Variants in COL11A1 observed in about 807,000 individuals in gnomAD.
COL11A1 encodes collagen alpha-1(XI) chain.
In COL11A1, 74 loss-of-function variants were observed where a neutral mutation model predicts 265.2. The ratio of observed to expected loss-of-function variants is 0.28; its 90% CI spans 0.23 to 0.34. The LOEUF (loss-of-function observed/expected upper bound fraction) is 0.34. Among genes scored for constraint, COL11A1 ranks in the 10% least tolerant of loss-of-function variants. COL11A1 has a pLI of 1.00. For synonymous variants in COL11A1, 816 were observed against 727.6 expected (o/e 1.12, Z -1.96); for missense variants, 2,165 against 2,263.6 (o/e 0.96, Z 0.88).
intron 5 of COL11A1, chr1:103,030,898 C>G: frequency 1.8e-6 from 1 of 550,124 alleles, no homozygotes; most frequent in South Asian, 1.9e-5. Flanking sequence ...AAGTGAAGCA[C>G]CATTATTGCT....
intron 42 of COL11A1, among the ~76,000 whole-genome samples, chr1:102,942,091 T>C (rs778311936): frequency 6.6e-6 from 1 of 152,228 alleles, no homozygotes; most frequent in Non-Finnish European, 1.5e-5. Flanking sequence ...GATGTCACTC[T>C]GGAGACCTTT....
At chr1:103,091,250 G>C (rs998226065) in intron 1 of COL11A1, among the ~76,000 whole-genome samples, 1 of 151,802 alleles carries the variant, frequency 6.6e-6, no homozygotes, top group African/African-American at 2.4e-5. Context: ...TTCATTTATT[G>C]TAAATACATA....
intron 4 of COL11A1, among the ~76,000 whole-genome samples, chr1:103,057,795 C>G (rs1339288145): frequency 6.6e-6 from 1 of 152,090 alleles, no homozygotes; most frequent in African/African-American, 2.4e-5. Context: ...TTCAGTAAAC[C>G]ATGATGCAAA....
intron 46 of COL11A1, among the ~76,000 whole-genome samples, chr1:102,930,573 C>A (rs1354509144): frequency 6.6e-6 from 1 of 152,138 alleles, no homozygotes; most frequent in African/African-American, 2.4e-5. Context: ...TGTGTCTCTG[C>A]CCGGCTTTAG....
intron 4 of COL11A1, among the ~76,000 whole-genome samples, chr1:103,071,967 T>A (rs1301022317): frequency 6.6e-6 from 1 of 151,426 alleles, no homozygotes. Context: ...GAAGATTCTG[T>A]TATATTTCCC....
intron 53 of COL11A1, 65 bp from the exon 54 acceptor site, chr1:102,912,277 C>A (rs970829332): frequency 2.2e-6 from 3 of 1,336,526 alleles, no homozygotes; most frequent in African/African-American, 3.0e-5. Flanking sequence ...CATAAATTTT[C>A]AAAATCTGGA....
chr1:102,898,149 G>C lies in COL11A1; in HGVS notation c.4278C>G (p.Gly1426=). ...CCATAGGACCAGGTGGTCCATCTTGGCCTGCAGCTCCAGGGAGACCTTGTT... is the reference window on the plus strand; with the variant it reads ...CCATAGGACCAGGTGGTCCATCTTGCCCTGCAGCTCCAGGGAGACCTTGTT... ...VGEQGLPGAA[G]QDGPPGPMGP... is the part of the protein sequence containing the mutation. Residue 1426 remains glycine, a synonymous_variant, in exon 57 of 67, where the codon GGC becomes GGG. Transcript: ENST00000370096. The C allele has an allele frequency of 6.5e-7, 1 of 1,531,890 alleles. No individual in the cohort carries two copies. Among genetic ancestry groups the C allele is most frequent in the Non-Finnish European group, 8.8e-7 (1 of 1,133,652 alleles). The allele number at this position is 1,531,890 out of a possible 1,614,324, so 94.9% of individuals were successfully genotyped here. A position where few individuals can be genotyped will look rare whatever the true frequency, so the allele number is the denominator to read the frequency against.
chr1:103,025,476 A>T (rs772721648), intron 7 of COL11A1, 45 bp downstream of exon 7: 1 of 1,288,230 alleles, frequency 7.8e-7, no homozygotes, highest in East Asian at 2.3e-5. Context: ...TAAATTACAT[A>T]TTTAAAAAGT....
chr1:103,005,619 G>A (rs1665524021), intron 18 of COL11A1, among the ~76,000 whole-genome samples: 1 of 152,062 alleles, frequency 6.6e-6, no homozygotes, highest in Non-Finnish European at 1.5e-5. Flanking sequence ...ATTTATGTTT[G>A]CATAAAAGGA....
chr1:103,005,584 A>G (rs934748533), intron 18 of COL11A1, among the ~76,000 whole-genome samples: 1 of 152,194 alleles, frequency 6.6e-6, no homozygotes, highest in African/African-American at 2.4e-5. Context: ...TTTTCCAGGT[A>G]AATGTATATA....
intron 24 of COL11A1, among the ~76,000 whole-genome samples, chr1:102,999,100 C>T (rs553847873): frequency 3.0e-4 from 46 of 151,750 alleles, no homozygotes; most frequent in Non-Finnish European, 5.0e-4. Flanking sequence ...CCCAGGTCAT[C>T]GTTATTGACA....
intron 2 of COL11A1, among the ~76,000 whole-genome samples, chr1:103,079,453 A>C (rs1239410063): frequency 6.6e-6 from 1 of 152,086 alleles, no homozygotes; most frequent in Non-Finnish European, 1.5e-5. Context: ...TAAATTCAAG[A>C]AGGCAGACTC....
chr1:102,938,764 C>T (rs1658411519), intron 44 of COL11A1, among the ~76,000 whole-genome samples: 1 of 151,964 alleles, frequency 6.6e-6, no homozygotes, highest in South Asian at 2.1e-4. Context: ...CATAATCATA[C>T]AAAAAAGACT....
chr1:103,048,769 A>T (rs1245329172), intron 4 of COL11A1, among the ~76,000 whole-genome samples: 2 of 152,064 alleles, frequency 1.3e-5, no homozygotes, highest in East Asian at 1.9e-4. Context: ...CACTGCTTTG[A>T]ATATGTCCTA....
At position 102,945,679 on chromosome 1, in the gene COL11A1, G is replaced by A. The variant is rs114383842; in HGVS notation, c.3276+1170C>T. On this transcript the variant is annotated intron_variant, in intron 42 of 66. Coordinates refer to ENST00000370096, the MANE Select transcript of COL11A1 (RefSeq NM_001854.4). ...CTTTTTATCTACATTTACTGAAACA[G>A]TTTGTGTTTTAATCTTGTAGGAAGA... Among the ~76,000 whole-genome samples, 1,379 of 152,120 alleles carry A rather than the reference G, an allele frequency of 9.1e-3. 20 individuals are homozygous for A. The highest frequency in any genetic ancestry group is 0.032 in the African/African-American group (1,315 of 41,504).
chr1:103,029,209 T>G (rs570450949), intron 5 of COL11A1, among the ~76,000 whole-genome samples: 1 of 152,150 alleles, frequency 6.6e-6, no homozygotes, highest in South Asian at 2.1e-4. Flanking sequence ...ATTGACATAT[T>G]TATTAATCCA....
At chr1:102,971,917 ATGTCATT>A (rs1364498641) in intron 36 of COL11A1, among the ~76,000 whole-genome samples, 1 of 152,212 alleles carries the variant, frequency 6.6e-6, no homozygotes, top group African/African-American at 2.4e-5. Flanking sequence ...ACATTCTTGG[ATGTCATT>A]TAACCATGGC....
Position 102,940,407 on chromosome 1 carries a change from C to T in COL11A1, c.3304G>A (p.Gly1102Arg), listed in dbSNP as rs1658599034. 6.2e-7 allele frequency: 1 copy of T among 1,613,980 alleles called. No individual in the cohort carries two copies. The highest frequency in any genetic ancestry group is 8.5e-7 in the Non-Finnish European group (1 of 1,179,972). Residue 1102 changes from glycine to arginine, a missense_variant, in exon 43 of 67, where the codon GGG (glycine) becomes AGG (arginine). Coordinates refer to ENST00000370096, the MANE Select transcript of COL11A1 (RefSeq NM_001854.4). ...ACAGGACCTTGAACTCCATCTCTCC[C>T]TGCAGGCCCTTGGGGACCTTTTTCT... ...PGEKGPQGPAGRDGVQGPVGL... is the reference protein window; with the variant it reads ...PGEKGPQGPARRDGVQGPVGL...
chr1:103,059,439 T>C (rs978639284), intron 4 of COL11A1, among the ~76,000 whole-genome samples: 5 of 152,130 alleles, frequency 3.3e-5, no homozygotes, highest in Admixed American at 3.3e-4. Context: ...TAGTTTCTTT[T>C]ACCCAGTGCA....
Sources: gnomAD v4.1 joint callset for allele counts (sites outside exome capture counted in the v4.1 genomes callset) on GRCh38, gnomAD v4.1.1 for gene constraint, MANE v1.5 for transcripts, NCBI Gene and HGNC (gene_info 2026-07-23, HGNC 2026-07-21) for gene names.